VIPAS39: variants seen among roughly 807,000 people sequenced by gnomAD.
VIPAS39 encodes spermatogenesis-defective protein 39 homolog.
VIPAS39 carries 63 observed loss-of-function variants against 84.7 expected under a neutral mutation model. The observed-to-expected ratio is 0.74, with a 90% confidence interval of 0.61 to 0.92. The LOEUF (loss-of-function observed/expected upper bound fraction) is 0.92. VIPAS39 is among the 40% of genes least tolerant of loss of function. The probability of loss-of-function intolerance (pLI) is 0.00; values close to 1 mark genes in which losing one functional copy is unlikely to be tolerated. For synonymous variants in VIPAS39, 192 were observed against 216.5 expected, an observed-to-expected ratio of 0.89 and a Z score of 0.99; for missense variants, 499 against 604.5, an observed-to-expected ratio of 0.83 and a Z score of 1.83.
At position 77,445,241 on chromosome 14, in the gene VIPAS39, G is replaced by T. The variant is rs141262374; in HGVS notation, c.505-900C>A. The stretch of plus-strand genomic sequence containing the variant: ...CCCAAGGTGCTGGGATTACAGGCGT[G>T]AGCCACCATGCCCAGCCAGTATCTC... On this transcript the variant is annotated intron_variant, in intron 7 of 19. Transcript: ENST00000557658. Among the ~76,000 whole-genome samples, 1,063 of 152,262 alleles carry T rather than the reference G, an allele frequency of 7.0e-3. 19 individuals carry two copies. Among genetic ancestry groups the T allele is most frequent in the South Asian group, 0.037 (179 of 4,816 alleles).
At chr14:77,457,320 G>C (rs2078975327) in intron 1 of VIPAS39, 175 bp downstream of exon 1, 1 of 1,535,636 alleles carries the variant, frequency 6.5e-7, no homozygotes, top group Non-Finnish European at 8.7e-7. Flanking sequence ...GTGCTCACTC[G>C]CAGCCCCAGT....
chr14:77,453,474 G>T (rs2078915339), intron 2 of VIPAS39, 73 bp from the exon 3 acceptor site: 1 of 1,455,828 alleles, frequency 6.9e-7, no homozygotes, highest in Non-Finnish European at 9.7e-7. Flanking sequence ...AATCAAGAAG[G>T]CTGAGGAATT....
intron 4 of VIPAS39, 105 bp downstream of exon 4, chr14:77,451,082 T>C: frequency 6.5e-7 from 1 of 1,549,056 alleles, no homozygotes; most frequent in South Asian, 1.1e-5. Flanking sequence ...GAGAATGCTT[T>C]ACCCTTCAAT....
intron 16 of VIPAS39, among the ~76,000 whole-genome samples, chr14:77,433,140 T>C (rs908628080): frequency 4.6e-5 from 7 of 152,138 alleles, no homozygotes; most frequent in Non-Finnish European, 1.0e-4. Context: ...AATTTAAATA[T>C]GGACCATGAT....
At chr14:77,444,195 C>A (rs1388638314) in intron 8 of VIPAS39, 54 bp downstream of exon 8, 28 of 1,547,038 alleles carry the variant, frequency 1.8e-5, no homozygotes, top group Non-Finnish European at 2.5e-5. Context: ...ATTGGATTTT[C>A]AGAAACTAGT....
intron 10 of VIPAS39, 166 bp from the exon 11 acceptor site, chr14:77,441,259 G>T: frequency 1.4e-6 from 1 of 738,178 alleles, no homozygotes; most frequent in Non-Finnish European, 2.3e-6. Context: ...GGTCTCTCTG[G>T]CTGAACAAAA....
chr14:77,436,327 AT>A (rs1470699932), intron 12 of VIPAS39, among the ~76,000 whole-genome samples: 1 of 152,158 alleles, frequency 6.6e-6, no homozygotes, highest in Non-Finnish European at 1.5e-5. Flanking sequence ...TTTGTTAGCC[AT>A]TTTTTTATGG....
At position 77,426,789 on chromosome 14, in the gene VIPAS39, A is replaced by G. The variant is rs138749468; in HGVS notation, c.*827T>C. The G allele has an allele frequency of 1.3e-5, 2 of 152,380 alleles. No homozygotes were observed. Among genetic ancestry groups the G allele is most frequent in the African/African-American group, 4.8e-5 (2 of 41,586 alleles). 9.4% of individuals were successfully genotyped at this position (152,380 alleles called of 1,614,324 possible). On this transcript the variant is annotated 3_prime_UTR_variant, in exon 20 of 20. Coordinates refer to ENST00000557658, the MANE Select transcript of VIPAS39 (RefSeq NM_001193315.2). ...ACAGAGCAAGAATCCAAGTGTGAAA[A>G]TAAAACCTCCATCTAAATATCCTAA...
At chr14:77,439,952 T>G (rs6574372) in intron 11 of VIPAS39, among the ~76,000 whole-genome samples, 64,891 of 152,072 alleles carry the variant, frequency 0.43, 16,643 homozygotes, top group East Asian at 0.93. Flanking sequence ...AAGGTCTCAT[T>G]CTTTCACCCA....
chr14:77,446,601 C>T (rs1054924469), intron 7 of VIPAS39, among the ~76,000 whole-genome samples: 7 of 152,044 alleles, frequency 4.6e-5, no homozygotes, highest in African/African-American at 1.7e-4. Flanking sequence ...CTACTAAAAT[C>T]GATATGGAAG....
At chr14:77,457,206 G>A in intron 1 of VIPAS39, 2 of 1,509,196 alleles carry the variant, frequency 1.3e-6, no homozygotes. Flanking sequence ...ACGGGTGAAC[G>A]TCCAGGAAGC....
At chr14:77,442,694 G>C (rs761448041) in intron 9 of VIPAS39, 32 bp from the exon 10 acceptor site, 1 of 1,596,196 alleles carries the variant, frequency 6.3e-7, no homozygotes, top group Non-Finnish European at 8.6e-7. Context: ...AGTTGAGAAA[G>C]ATTAAAGCCA....
At position 77,430,491 on chromosome 14, in the gene VIPAS39, C is replaced by T. The variant is rs993815978; in HGVS notation, c.1180-724G>A. 1.1e-4 allele frequency among the ~76,000 whole-genome samples: 17 copies of T among 152,086 alleles called. No homozygotes were observed. The South Asian group carries it at 2.3e-3, about 20-fold the overall frequency. Reference sequence around the variant, plus strand: ...CAGCACTTTTGGAGGCCGAGGTGGGCGGATCACTTGAGGCCAGGAGTTCGA... The same window carrying T: ...CAGCACTTTTGGAGGCCGAGGTGGGTGGATCACTTGAGGCCAGGAGTTCGA... On this transcript the variant is annotated intron_variant, in intron 16 of 19. Coordinates refer to ENST00000557658, the MANE Select transcript of VIPAS39 (RefSeq NM_001193315.2).
Position 77,441,095 on chromosome 14 carries a change from T to C in VIPAS39, c.735-2A>G. 1.2e-6 allele frequency: 2 copies of C among 1,611,980 alleles called. No homozygotes were observed. Among genetic ancestry groups the C allele is most frequent in the Non-Finnish European group, 1.7e-6 (2 of 1,179,596 alleles). ...AGCTCTTCTGTTCTATCTAGGAACC[T>C]GGGAAGAAGCAGAAGGGAGCAGGGC... is the stretch of plus-strand genomic sequence containing the variant. On this transcript the variant is annotated splice_acceptor_variant, in intron 10 of 19. Coordinates refer to ENST00000557658, the MANE Select transcript of VIPAS39 (RefSeq NM_001193315.2). LOFTEE classifies it high-confidence loss of function.
At chr14:77,449,203 C>T in intron 6 of VIPAS39, 90 bp downstream of exon 6, 1 of 1,403,508 alleles carries the variant, frequency 7.1e-7, no homozygotes, top group Non-Finnish European at 1.0e-6. Flanking sequence ...AAAATATCTA[C>T]TCAAATAGTT....
chr14:77,453,159 G>T, intron 3 of VIPAS39, 140 bp downstream of exon 3: 1 of 921,780 alleles, frequency 1.1e-6, no homozygotes, highest in Non-Finnish European at 1.8e-6. Context: ...CTGGAGTTAA[G>T]TTTCCAGATG....
chr14:77,454,208 G>A (rs2078926237), intron 1 of VIPAS39, 106 bp from the exon 2 acceptor site: 1 of 1,019,028 alleles, frequency 9.8e-7, no homozygotes, highest in African/African-American at 1.6e-5. Context: ...AATCAAGGAT[G>A]CAGAAAAGAA....
intron 8 of VIPAS39, among the ~76,000 whole-genome samples, 195 bp downstream of exon 8, chr14:77,444,054 A>C (rs1214950223): frequency 6.6e-6 from 1 of 151,868 alleles, no homozygotes. Flanking sequence ...AAAAAAAAAA[A>C]AACAGGGTTC....
chr14:77,457,242 C>A, intron 1 of VIPAS39: 1 of 1,532,038 alleles, frequency 6.5e-7, no homozygotes, highest in Non-Finnish European at 8.7e-7. Flanking sequence ...GTCGTCAGAG[C>A]CCAGCGGATC....
Sources: gnomAD v4.1 joint callset for allele counts (sites outside exome capture counted in the v4.1 genomes callset) on GRCh38, gnomAD v4.1.1 for gene constraint, MANE v1.5 for transcripts, NCBI Gene and HGNC (gene_info 2026-07-23, HGNC 2026-07-21) for gene names.